The following AIG1 variants were observed in gnomAD, a reference collection of about 807,000 sequenced individuals.
AIG1 encodes androgen induced 1.
AIG1 carries 23 observed loss-of-function variants against 31.4 expected under a neutral mutation model. The observed-to-expected ratio is 0.73, with a 90% CI of 0.53 to 1.04. The LOEUF is 1.04. AIG1 is among the 50% of genes least tolerant of loss of function. AIG1 has a pLI of 0.00. For synonymous variants in AIG1, 100 were observed against 110.5 expected, an observed-to-expected ratio of 0.90 and a Z score of 0.60; for missense variants, 274 against 295.0, an observed-to-expected ratio of 0.93 and a Z score of 0.52.
chr6:143,202,432 TG>T (rs2128607762), intron 3 of AIG1, among the ~76,000 whole-genome samples: 1 of 152,238 alleles, frequency 6.6e-6, no homozygotes, highest in South Asian at 2.1e-4. Context: ...GAGCCAGGGT[TG>T]GTTTTTGATT....
At chr6:143,119,960 G>A (rs758326672) in intron 1 of AIG1, among the ~76,000 whole-genome samples, 3 of 151,946 alleles carry the variant, frequency 2.0e-5, no homozygotes, top group Non-Finnish European at 4.4e-5. Flanking sequence ...ATGGAGTTTC[G>A]CTCTTGTTGC....
At chr6:143,082,887 C>T (rs1333021898) in intron 1 of AIG1, among the ~76,000 whole-genome samples, 1 of 152,176 alleles carries the variant, frequency 6.6e-6, no homozygotes, top group African/African-American at 2.4e-5. Flanking sequence ...TACTTTAGGA[C>T]CTGAAAAGCC....
chr6:143,170,595 TTTTTTG>T (rs936762357), intron 3 of AIG1, among the ~76,000 whole-genome samples: 2 of 151,852 alleles, frequency 1.3e-5, no homozygotes, highest in African/African-American at 4.8e-5. Context: ...AAGTTTTTTT[TTTTTTG>T]TTGATCTTTT....
chr6:143,312,546 A>G (rs533191208), intron 4 of AIG1, among the ~76,000 whole-genome samples: 6 of 152,304 alleles, frequency 3.9e-5, no homozygotes, highest in African/African-American at 9.6e-5. Context: ...CTTGCTATAT[A>G]GAAAAATCAA....
At chr6:143,320,027 T>A (rs1466932427) in intron 4 of AIG1, among the ~76,000 whole-genome samples, 1 of 151,426 alleles carries the variant, frequency 6.6e-6, no homozygotes, top group Non-Finnish European at 1.5e-5. Flanking sequence ...AGCAAAAAAA[T>A]AAATAAAAAA....
At chr6:143,068,624 C>T (rs1316412043) in intron 1 of AIG1, among the ~76,000 whole-genome samples, 5 of 152,158 alleles carry the variant, frequency 3.3e-5, no homozygotes, top group African/African-American at 9.7e-5. Context: ...GCGATACATA[C>T]TTATTATAGA....
chr6:143,075,289 G>T (rs2128464471), intron 1 of AIG1, among the ~76,000 whole-genome samples: 1 of 151,686 alleles, frequency 6.6e-6, no homozygotes, highest in East Asian at 1.9e-4. Flanking sequence ...CAATTTCATT[G>T]ATTTCTCTCT....
chr6:143,308,526 G>T (rs1774985920), intron 4 of AIG1, among the ~76,000 whole-genome samples: 1 of 152,132 alleles, frequency 6.6e-6, no homozygotes, highest in South Asian at 2.1e-4. Flanking sequence ...ACTTCTCTTT[G>T]ATTGTGAATT....
intron 3 of AIG1, chr6:143,187,240 T>G: frequency 3.1e-6 from 2 of 636,328 alleles, no homozygotes; most frequent in South Asian, 4.0e-5. Flanking sequence ...TTGTTAAGAA[T>G]TCCCCCTTCA....
chr6:143,313,606 A>G (rs1170044413), intron 4 of AIG1, among the ~76,000 whole-genome samples: 1 of 152,090 alleles, frequency 6.6e-6, no homozygotes, highest in Non-Finnish European at 1.5e-5. Flanking sequence ...AAAGGGTACA[A>G]CAATAAAAAG....
chr6:143,221,496 A>G (rs550811446), intron 3 of AIG1, among the ~76,000 whole-genome samples: 1 of 152,218 alleles, frequency 6.6e-6, no homozygotes, highest in Non-Finnish European at 1.5e-5. Flanking sequence ...TCTAGGTCCA[A>G]ATTTTCTGTT....
chr6:143,062,732 G>A (rs1022749071), intron 1 of AIG1, among the ~76,000 whole-genome samples: 5 of 152,184 alleles, frequency 3.3e-5, no homozygotes, highest in Non-Finnish European at 5.9e-5. Flanking sequence ...CCTTTTTCAA[G>A]TGTTTACACT....
At chr6:143,235,312 C>G (rs776628625) in intron 3 of AIG1, among the ~76,000 whole-genome samples, 3 of 151,980 alleles carry the variant, frequency 2.0e-5, no homozygotes, top group African/African-American at 4.8e-5. Context: ...TTCATCATTG[C>G]TGGTCTCTGT....
intron 1 of AIG1, among the ~76,000 whole-genome samples, chr6:143,115,871 G>A (rs1421298599): frequency 6.6e-6 from 1 of 152,204 alleles, no homozygotes; most frequent in Non-Finnish European, 1.5e-5. Context: ...TGAATGAGGA[G>A]AGGGCAGAAA....
Position 143,185,733 on chromosome 6 carries a change from G to A in AIG1, c.399+20550G>A, listed in dbSNP as rs185788263. Among the ~76,000 whole-genome samples the A allele has an allele frequency of 1.8e-4, 27 of 152,138 alleles. No individual in the cohort carries two copies. The East Asian group carries it at 4.1e-3, about 23-fold the overall frequency. On this transcript the variant is annotated intron_variant, in intron 3 of 5. Transcript: ENST00000357847. ...CTCTGCATATTCCATTATCTGGCTC[G>A]GTGGCACATAATAGGTCTCAAAAAT...
At position 143,279,245 on chromosome 6, in the gene AIG1, T is replaced by G. The variant is rs993288508; in HGVS notation, c.400-4865T>G. 6.6e-6 allele frequency among the ~76,000 whole-genome samples: 1 copy of G among 152,294 alleles called. No individual in the cohort carries two copies. The highest frequency in any genetic ancestry group is 2.1e-4 in the South Asian group (1 of 4,822). The stretch of plus-strand genomic sequence containing the variant: ...CACTGTGGCTACTGTCCCTAAAGCA[T>G]AGGTGGGTCAGCCCTGGCATGTGTT... On this transcript the variant is annotated intron_variant, in intron 3 of 5. Coordinates refer to ENST00000357847, the MANE Select transcript of AIG1 (RefSeq NM_016108.4). This position sits in a 1 kb window ranked among gnomAD's most constrained non-coding sequence, Gnocchi z 5.4.
At position 143,331,369 on chromosome 6, in the gene AIG1, C is replaced by T. The variant is rs1213530502; in HGVS notation, c.516-1913C>T. On this transcript the variant is annotated intron_variant, in intron 4 of 5. Coordinates refer to ENST00000357847, the MANE Select transcript of AIG1 (RefSeq NM_016108.4). The surrounding 1 kb of genome is among the most constrained non-coding windows in gnomAD (Gnocchi z 4.1). ...AATAACTCCCTATTCTCCACTCCCC[C>T]GAGTCCCTGGTAACTGATAGATACC... Among the ~76,000 whole-genome samples the T allele has an allele frequency of 6.6e-6, 1 of 152,108 alleles. No homozygotes were observed. Among genetic ancestry groups the T allele is most frequent in the Non-Finnish European group, 1.5e-5 (1 of 68,024 alleles).
intron 3 of AIG1, chr6:143,188,163 G>T: frequency 1.0e-6 from 1 of 998,932 alleles, no homozygotes; most frequent in Non-Finnish European, 1.2e-6. Context: ...AGAAAAGATG[G>T]GAGGAAGAGG....
chr6:143,130,139 C>G (rs1783081598), intron 1 of AIG1, among the ~76,000 whole-genome samples: 1 of 151,812 alleles, frequency 6.6e-6, no homozygotes, highest in Non-Finnish European at 1.5e-5. Context: ...CCATGTTGGC[C>G]AGGATAGTCT....
Sources: allele counts gnomAD v4.1 joint callset (sites outside exome capture counted in the v4.1 genomes callset), GRCh38; gene constraint gnomAD v4.1.1; non-coding constraint Gnocchi (gnomAD v3.1); transcripts MANE v1.5; gene names NCBI Gene and HGNC (gene_info 2026-07-23, HGNC 2026-07-21).